Variants in RNF169 observed in about 807,000 individuals in gnomAD.
The protein encoded by RNF169 is E3 ubiquitin-protein ligase RNF169.
In RNF169, 24 loss-of-function variants were observed where a neutral mutation model predicts 53.9. The ratio of observed to expected loss-of-function variants is 0.45; its 90% CI spans 0.32 to 0.63. RNF169 has a LOEUF of 0.63. Ranked by LOEUF, RNF169 falls within the 20% of genes least tolerant of loss-of-function variation. The pLI, the probability that RNF169 is intolerant of heterozygous loss-of-function variation, is 0.04. For synonymous variants in RNF169, 396 were observed against 363.5 expected (o/e 1.09, Z -1.02); for missense variants, 883 against 906.2 (o/e 0.97, Z 0.33).
chr11:74,835,492 G>A, intron 5 of RNF169, 54 bp from the exon 6 acceptor site: 1 of 1,365,732 alleles, frequency 7.3e-7, no homozygotes, highest in Non-Finnish European at 1.0e-6. Flanking sequence ...GAATGATGAA[G>A]GAAAATGTAT....
intron 2 of RNF169, among the ~76,000 whole-genome samples, chr11:74,803,742 G>T (rs942669132): frequency 1.3e-5 from 2 of 152,096 alleles, no homozygotes; most frequent in South Asian, 2.1e-4. Context: ...AAACTGGGAA[G>T]AATAATAAAA....
At chr11:74,770,799 G>A (rs1028587459) in intron 1 of RNF169, among the ~76,000 whole-genome samples, 3 of 151,840 alleles carry the variant, frequency 2.0e-5, no homozygotes, top group South Asian at 2.1e-4. Flanking sequence ...TGCATTTTTC[G>A]TTTTGTTTTG....
intron 1 of RNF169, among the ~76,000 whole-genome samples, chr11:74,751,454 A>G (rs999417345): frequency 4.6e-5 from 7 of 152,354 alleles, no homozygotes; most frequent in Non-Finnish European, 7.3e-5. Context: ...TTATATGGCC[A>G]CATAGGATAG....
At chr11:74,827,615 T>A (rs2036117442) in intron 4 of RNF169, among the ~76,000 whole-genome samples, 1 of 152,156 alleles carries the variant, frequency 6.6e-6, no homozygotes, top group Admixed American at 6.5e-5. Context: ...TAATTCAAGA[T>A]GAGATTTGGG....
In RNF169 at chr11:74,802,421, G is replaced by T. The variant is rs193175040; in HGVS notation, c.577-7763G>T. 7.9e-5 allele frequency among the ~76,000 whole-genome samples: 12 copies of T among 152,294 alleles called. No individual in the cohort carries two copies. The East Asian group carries it at 1.9e-3, about 25-fold the overall frequency. On this transcript the variant is annotated intron_variant, in intron 2 of 5. Coordinates refer to ENST00000299563, the MANE Select transcript of RNF169 (RefSeq NM_001098638.2). ...AGCACTTTGGGAGGCCGAGGCAAGC[G>T]GATCACCTGAGGTCAGGAGTTTGAG...
intron 1 of RNF169, among the ~76,000 whole-genome samples, chr11:74,755,077 A>G (rs555926735): frequency 3.2e-4 from 48 of 152,356 alleles, no homozygotes; most frequent in African/African-American, 1.0e-3. Context: ...GCAAGAGGAC[A>G]GGAATTCCCT....
At chr11:74,758,803 C>T (rs181670008) in intron 1 of RNF169, among the ~76,000 whole-genome samples, 21 of 152,202 alleles carry the variant, frequency 1.4e-4, no homozygotes, top group Admixed American at 4.6e-4. Flanking sequence ...CGCGCCCGGC[C>T]GTCCATATGA....
At position 74,838,226 on chromosome 11, in the gene RNF169, G is replaced by A. The variant is rs1299853175; in HGVS notation, c.*1496G>A. The A allele has an allele frequency of 6.6e-6, 1 of 152,184 alleles. No homozygotes were observed. Among genetic ancestry groups the A allele is most frequent in the Non-Finnish European group, 1.5e-5 (1 of 68,028 alleles). 9.4% of individuals were successfully genotyped at this position (152,184 alleles called of 1,614,324 possible). A position where few individuals can be genotyped will look rare whatever the true frequency, so the allele number is the denominator to read the frequency against. ...AGGTCCTCCTCAGCTTCTAGACCTA[G>A]AAGCCAAAGTCCAGAACAGTGACCC... On this transcript the variant is annotated 3_prime_UTR_variant, in exon 6 of 6. Transcript: ENST00000299563.
intron 1 of RNF169, among the ~76,000 whole-genome samples, chr11:74,785,253 A>ATATATAT (rs1491126341): frequency 1.3e-5 from 1 of 79,846 alleles, no homozygotes; most frequent in Non-Finnish European, 2.1e-5. Context: ...TATATATGTT[A>ATATATAT]GATATATATG....
At position 74,835,878 on chromosome 11, in the gene RNF169, G is replaced by T. The variant is rs369569812; in HGVS notation, c.1275G>T (p.Glu425Asp). ...NRSLQKQTSY[E>D]ASPRILKKWE... is the part of the protein sequence containing the mutation. ...GCCTGCAGAAGCAGACTTCTTATGA[G>T]GCCAGTCCACGGATCCTCAAAAAGT... Residue 425 changes from glutamate to aspartate, a missense_variant, in exon 6 of 6, where the codon GAG becomes GAT. Glu to Asp is a conservative substitution (Grantham distance 45). This residue lies in a region of RNF169 where 219 missense variants were observed against 289.1 expected (regional missense o/e 0.76). Transcript: ENST00000299563. 6.3e-4 allele frequency: 1,024 copies of T among 1,614,154 alleles called. 11 individuals are homozygous for T. In the South Asian group the frequency reaches 8.6e-3, roughly 14 times the overall value.
Position 74,762,571 on chromosome 11 carries a change from G to A in RNF169, c.502+13189G>A, listed in dbSNP as rs537786257. On this transcript the variant is annotated intron_variant, in intron 1 of 5. Transcript: ENST00000299563. ...TCAGATGGAAATGCAGAAATCACCCGTCTTCTGCGTCGCTCACGCTGGGAG... is the reference window on the plus strand; with the variant it reads ...TCAGATGGAAATGCAGAAATCACCCATCTTCTGCGTCGCTCACGCTGGGAG... Among the ~76,000 whole-genome samples, 70 of 152,270 alleles carry A rather than the reference G, an allele frequency of 4.6e-4. 1 individual carries two copies. The highest frequency in any genetic ancestry group is 1.6e-3 in the African/African-American group (67 of 41,546).
chr11:74,814,950 A>G (rs911908485), intron 3 of RNF169, among the ~76,000 whole-genome samples: 2 of 152,108 alleles, frequency 1.3e-5, no homozygotes, highest in African/African-American at 4.8e-5. Context: ...GTTTATATTT[A>G]TTATAGGTTT....
intron 3 of RNF169, among the ~76,000 whole-genome samples, chr11:74,815,697 A>T (rs1246852578): frequency 6.6e-6 from 1 of 152,210 alleles, no homozygotes. Context: ...GGTATTTTTA[A>T]TGGCCTGTCA....
chr11:74,814,063 G>A (rs944474167), intron 3 of RNF169, among the ~76,000 whole-genome samples: 21 of 151,844 alleles, frequency 1.4e-4, no homozygotes, highest in South Asian at 2.1e-4. Context: ...GCTCACACCC[G>A]TAATCCCAGC....
At chr11:74,757,901 C>G (rs1288238710) in intron 1 of RNF169, among the ~76,000 whole-genome samples, 1 of 70,656 alleles carries the variant, frequency 1.4e-5, no homozygotes, top group Non-Finnish European at 2.3e-5. Context: ...GATATTAGCC[C>G]TTTGTCAGAT....
At chr11:74,769,787 A>G (rs776526646) in intron 1 of RNF169, among the ~76,000 whole-genome samples, 4 of 152,336 alleles carry the variant, frequency 2.6e-5, no homozygotes, top group Admixed American at 6.5e-5. Context: ...CAATCAGCCA[A>G]TGTAGACTCT....
chr11:74,765,779 GC>G (rs2035164262), intron 1 of RNF169, among the ~76,000 whole-genome samples: 1 of 149,084 alleles, frequency 6.7e-6, no homozygotes, highest in Non-Finnish European at 1.5e-5. Flanking sequence ...TCCAGCCTGG[GC>G]AACAACCGCA....
intron 2 of RNF169, among the ~76,000 whole-genome samples, chr11:74,796,690 G>T (rs191158655): frequency 6.6e-4 from 101 of 152,066 alleles, no homozygotes; most frequent in African/African-American, 2.3e-3. Flanking sequence ...GATTGAAGGT[G>T]GGGGAAAAGC....
In RNF169 at chr11:74,810,301, C is replaced by A. The variant is rs200311041; in HGVS notation, c.694C>A (p.Pro232Thr). 6.2e-7 allele frequency: 1 copy of A among 1,613,610 alleles called. No individual in the cohort carries two copies. The highest frequency in any genetic ancestry group is 8.5e-7 in the Non-Finnish European group (1 of 1,179,758). ...KMDEQKKRDE[P>T]LVLKTNLERC... is the part of the protein sequence containing the mutation. ...GGATGAACAGAAAAAAAGAGATGAA[C>A]CATTAGTACTGAAAACAAATCTGGA... Residue 232 changes from proline to threonine, a missense_variant, in exon 3 of 6, where the codon CCA becomes ACA. By Grantham distance (38) the Pro-to-Thr change is conservative. Coordinates refer to ENST00000299563, the MANE Select transcript of RNF169 (RefSeq NM_001098638.2).
Sources: gnomAD v4.1 joint callset for allele counts (sites outside exome capture counted in the v4.1 genomes callset) on GRCh38, gnomAD v4.1.1 for gene constraint, gnomAD v4.1.1 regional missense constraint, MANE v1.5 for transcripts, NCBI Gene and HGNC (gene_info 2026-07-23, HGNC 2026-07-21) for gene names.